FCHSD2: variants seen among roughly 807,000 people sequenced by gnomAD.
The protein encoded by FCHSD2 is F-BAR and double SH3 domains protein 2.
In FCHSD2, 38 loss-of-function variants were observed where a neutral mutation model predicts 108.1. The observed-to-expected ratio is 0.35, with a 90% CI of 0.27 to 0.46. The LOEUF (loss-of-function observed/expected upper bound fraction) is 0.46. Among genes scored for constraint, FCHSD2 ranks in the 20% least tolerant of loss-of-function variants. The pLI is 1.00. For synonymous variants in FCHSD2, 279 were observed against 314.7 expected (o/e 0.89, Z 1.20); for missense variants, 751 against 897.8 (o/e 0.84, Z 2.09).
rs562819792 is a variant in FCHSD2, at chr11:73,137,939, G to A, written c.119+2092C>T. Among the ~76,000 whole-genome samples the A allele has an allele frequency of 5.3e-5, 8 of 152,194 alleles. No individual in the cohort carries two copies. In the South Asian group the frequency reaches 1.7e-3, roughly 32 times the overall value. ...GACCTTTATCCAGAAGGCCACAGAGGAGTGATCTATAATAATGTTTTTAGA... is the reference window on the plus strand; with the variant it reads ...GACCTTTATCCAGAAGGCCACAGAGAAGTGATCTATAATAATGTTTTTAGA... On this transcript the variant is annotated intron_variant, in intron 2 of 19. Transcript: ENST00000409418.
At chr11:73,097,864 G>A (rs1241939163) in intron 2 of FCHSD2, among the ~76,000 whole-genome samples, 2 of 152,078 alleles carry the variant, frequency 1.3e-5, no homozygotes, top group African/African-American at 2.4e-5. Flanking sequence ...TTTAGAGACA[G>A]AGTCTTGCTA....
intron 3 of FCHSD2, among the ~76,000 whole-genome samples, chr11:73,071,710 C>CA (rs1389709013): frequency 6.7e-6 from 1 of 150,348 alleles, no homozygotes; most frequent in Non-Finnish European, 1.5e-5. Flanking sequence ...AACAAAAAGA[C>CA]AAAAAAAAGT....
intron 2 of FCHSD2, among the ~76,000 whole-genome samples, chr11:73,088,025 A>G (rs1390491016): frequency 6.6e-6 from 1 of 152,172 alleles, no homozygotes; most frequent in African/African-American, 2.4e-5. Flanking sequence ...GACTACAGGC[A>G]CATGCCACCA....
At chr11:73,007,124 C>A (rs1290732828) in intron 4 of FCHSD2, among the ~76,000 whole-genome samples, 1 of 152,106 alleles carries the variant, frequency 6.6e-6, no homozygotes, top group Non-Finnish European at 1.5e-5. Flanking sequence ...ACCTTTTAAA[C>A]TAAAATATAT....
intron 13 of FCHSD2, among the ~76,000 whole-genome samples, chr11:72,856,779 A>G (rs1861439184): frequency 6.6e-6 from 1 of 152,236 alleles, no homozygotes; most frequent in Admixed American, 6.5e-5. Context: ...ATTCAGAATC[A>G]CAGACTTATG....
rs1315404200 is a variant in FCHSD2, at chr11:73,077,967, G to GT, written c.165+5727dup. On this transcript the variant is annotated intron_variant, in intron 3 of 19. Transcript: ENST00000409418. ...GATTCCTTGAGTAAGAGTGAGGGCA[G>GT]TAATGGCAGGGAACAAGAGGAATTT... Among the ~76,000 whole-genome samples the GT allele has an allele frequency of 3.9e-5, 6 of 152,170 alleles. No homozygotes were observed. In the East Asian group the frequency reaches 1.2e-3, roughly 29 times the overall value.
intron 13 of FCHSD2, 121 bp downstream of exon 13, chr11:72,867,744 C>A: frequency 1.3e-6 from 1 of 783,426 alleles, no homozygotes; most frequent in Admixed American, 3.0e-5. Flanking sequence ...AAGAATAAAA[C>A]CTAAATCACT....
chr11:73,084,170 A>C (rs1591540582), intron 2 of FCHSD2, among the ~76,000 whole-genome samples: 1 of 152,348 alleles, frequency 6.6e-6, no homozygotes, highest in East Asian at 1.9e-4. Context: ...AAAGATGTTT[A>C]CTGGACTTAA....
intron 3 of FCHSD2, among the ~76,000 whole-genome samples, chr11:73,049,133 G>A (rs1245610212): frequency 1.3e-5 from 2 of 152,184 alleles, no homozygotes; most frequent in African/African-American, 4.8e-5. Context: ...GTAAAAAGAC[G>A]TAGTGGTTTT....
chr11:73,022,497 T>C (rs940166750), intron 3 of FCHSD2, among the ~76,000 whole-genome samples: 3 of 152,210 alleles, frequency 2.0e-5, no homozygotes, highest in African/African-American at 7.2e-5. Context: ...TGAAATTTTA[T>C]TAAATGAAGT....
In FCHSD2 at chr11:72,944,136, T is replaced by C. The variant is rs1016007529; in HGVS notation, c.706-22186A>G. ...AAACAATATCCCTGATGAACATCGA[T>C]GCAAAAATCCTCAATAAAATACTGG... On this transcript the variant is annotated intron_variant, in intron 8 of 19. Coordinates refer to ENST00000409418, the MANE Select transcript of FCHSD2 (RefSeq NM_014824.3). Among the ~76,000 whole-genome samples the C allele has an allele frequency of 1.4e-4, 21 of 152,300 alleles. No homozygotes were observed. In the East Asian group the frequency reaches 3.7e-3, roughly 27 times the overall value.
intron 8 of FCHSD2, among the ~76,000 whole-genome samples, chr11:72,948,531 G>C (rs918139096): frequency 3.9e-5 from 6 of 151,994 alleles, no homozygotes; most frequent in Admixed American, 1.3e-4. Context: ...TAAAGCATTT[G>C]ATACATATTA....
intron 2 of FCHSD2, among the ~76,000 whole-genome samples, chr11:73,084,825 C>T (rs1859776947): frequency 6.6e-6 from 1 of 152,080 alleles, no homozygotes; most frequent in Non-Finnish European, 1.5e-5. Context: ...ATTGTAGAGT[C>T]AACAAAATGT....
At chr11:72,909,857 G>A (rs1393746880) in intron 9 of FCHSD2, among the ~76,000 whole-genome samples, 1 of 149,588 alleles carries the variant, frequency 6.7e-6, no homozygotes, top group Non-Finnish European at 1.5e-5. Flanking sequence ...TCTGGGAAGT[G>A]AGGAGTGCCT....
chr11:73,124,438 G>A (rs530939542), intron 2 of FCHSD2, among the ~76,000 whole-genome samples: 11 of 152,096 alleles, frequency 7.2e-5, no homozygotes, highest in African/African-American at 2.7e-4. Context: ...AGAAGAGAGA[G>A]AATGGGGCAG....
intron 4 of FCHSD2, among the ~76,000 whole-genome samples, chr11:73,008,076 G>C (rs1591478224): frequency 6.6e-6 from 1 of 152,240 alleles, no homozygotes; most frequent in Non-Finnish European, 1.5e-5. Flanking sequence ...TGGCTGCAGT[G>C]CCTCACGCCT....
chr11:73,086,280 G>A (rs779159465), intron 2 of FCHSD2, among the ~76,000 whole-genome samples: 5 of 152,070 alleles, frequency 3.3e-5, no homozygotes, highest in African/African-American at 7.2e-5. Flanking sequence ...GTGGTGGTGC[G>A]TGCCTGTGGT....
intron 14 of FCHSD2, among the ~76,000 whole-genome samples, chr11:72,845,437 CAAAAA>C (rs755929012): frequency 1.5e-4 from 12 of 81,984 alleles, no homozygotes; most frequent in Admixed American, 1.3e-4. Context: ...GACCCTGTCT[CAAAAA>C]AAAAAAAAAA....
At chr11:73,121,679 C>T (rs1407824889) in intron 2 of FCHSD2, among the ~76,000 whole-genome samples, 1 of 151,472 alleles carries the variant, frequency 6.6e-6, no homozygotes, top group Non-Finnish European at 1.5e-5. Flanking sequence ...AGTCTACATC[C>T]TTAGATATTG....
Sources: allele counts gnomAD v4.1 joint callset (sites outside exome capture counted in the v4.1 genomes callset), GRCh38; gene constraint gnomAD v4.1.1; transcripts MANE v1.5; gene names NCBI Gene and HGNC (gene_info 2026-07-23, HGNC 2026-07-21).